The following DNMT3B variants were observed in gnomAD, a reference collection of about 807,000 sequenced individuals.
DNMT3B encodes DNA (cytosine-5)-methyltransferase 3B.
In DNMT3B, 37 loss-of-function variants were observed where a neutral mutation model predicts 120.2. The ratio of observed to expected loss-of-function variants is 0.31; its 90% CI spans 0.24 to 0.40. DNMT3B has a LOEUF of 0.40. DNMT3B is among the 10% of genes least tolerant of loss of function. The probability of loss-of-function intolerance (pLI) is 1.00; values close to 1 mark genes in which losing one functional copy is unlikely to be tolerated. For synonymous variants in DNMT3B, 412 were observed against 442.8 expected (o/e 0.93, Z 0.87); for missense variants, 878 against 1,137.3 (o/e 0.77, Z 3.28).
Position 32,808,202 on chromosome 20 carries a change from T to TC in DNMT3B, c.*302dup. On this transcript the variant is annotated 3_prime_UTR_variant, in exon 23 of 23. Transcript: ENST00000328111. ...AGGTAGCAACGTGGCTTTTTTTTTT[T>TC]CCCTTCCTGGGTCTACCACTCAGAG... 1 of 446,338 alleles carries TC rather than the reference T, an allele frequency of 2.2e-6. No individual in the cohort carries two copies. Among genetic ancestry groups the TC allele is most frequent in the Non-Finnish European group, 4.1e-6 (1 of 242,260 alleles). 27.6% of individuals were successfully genotyped at this position (446,338 alleles called of 1,614,324 possible).
At chr20:32,800,784 T>C (rs780041682) in intron 17 of DNMT3B, 51 bp from the exon 18 acceptor site, 1 of 1,592,772 alleles carries the variant, frequency 6.3e-7, no homozygotes, top group Non-Finnish European at 8.6e-7. Flanking sequence ...TGGGTCCAGC[T>C]CTCTTTCCCT....
At chr20:32,783,052 T>C (rs1280963105) in intron 3 of DNMT3B, among the ~76,000 whole-genome samples, 2 of 152,074 alleles carry the variant, frequency 1.3e-5, no homozygotes, top group Admixed American at 6.6e-5. Context: ...GGCTCCCGAG[T>C]AGCTGGGACT....
intron 10 of DNMT3B, among the ~76,000 whole-genome samples, chr20:32,793,826 T>C (rs1980280813): frequency 1.3e-5 from 2 of 152,190 alleles, no homozygotes; most frequent in Admixed American, 6.5e-5. Flanking sequence ...CTTTCCCCTT[T>C]ATTAATATTA....
chr20:32,806,390 G>A, intron 22 of DNMT3B, 63 bp downstream of exon 22: 1 of 1,456,010 alleles, frequency 6.9e-7, no homozygotes, highest in East Asian at 2.3e-5. Context: ...GGCAGACATG[G>A]GCAGGTGCTT....
chr20:32,773,127 T>C (rs1456557679), intron 1 of DNMT3B, among the ~76,000 whole-genome samples: 3 of 151,560 alleles, frequency 2.0e-5, no homozygotes, highest in African/African-American at 7.3e-5. Context: ...CTTTTTTTTT[T>C]TTTGAGAGGG....
chr20:32,788,514 C>G (rs924226653), intron 6 of DNMT3B, among the ~76,000 whole-genome samples: 2 of 152,158 alleles, frequency 1.3e-5, no homozygotes, highest in African/African-American at 4.8e-5. Flanking sequence ...GGTGCCCAGG[C>G]TAGTCTCAAA....
At chr20:32,787,159 G>C in intron 5 of DNMT3B, 71 bp from the exon 6 acceptor site, 1 of 1,570,408 alleles carries the variant, frequency 6.4e-7, no homozygotes, top group Non-Finnish European at 8.8e-7. Context: ...GGAGCCATAT[G>C]GGGGTGCCGT....
chr20:32,789,356 C>G (rs1979694930), intron 7 of DNMT3B, among the ~76,000 whole-genome samples: 1 of 152,142 alleles, frequency 6.6e-6, no homozygotes, highest in African/African-American at 2.4e-5. Flanking sequence ...CTGGAAGAGA[C>G]CGGAAGCATG....
intron 3 of DNMT3B, among the ~76,000 whole-genome samples, chr20:32,781,680 T>A (rs554085607): frequency 3.9e-5 from 6 of 152,358 alleles, no homozygotes; most frequent in Admixed American, 2.6e-4. Flanking sequence ...TCTGAAAGTA[T>A]TAAATGGAAA....
chr20:32,806,382 C>A (rs1345032681), intron 22 of DNMT3B, 55 bp downstream of exon 22: 3 of 1,500,318 alleles, frequency 2.0e-6, no homozygotes, highest in Non-Finnish European at 2.8e-6. Flanking sequence ...CACAAATGGG[C>A]AGACATGGGC....
intron 18 of DNMT3B, 51 bp downstream of exon 18, chr20:32,800,976 A>C: frequency 6.3e-7 from 1 of 1,599,582 alleles, no homozygotes; most frequent in Non-Finnish European, 8.6e-7. Context: ...TCACCTGACC[A>C]CTGGCCCAGG....
In DNMT3B at chr20:32,780,069, C is replaced by A; in HGVS notation, c.-6-249C>A. On this transcript the variant is annotated intron_variant, in intron 1 of 22. Transcript: ENST00000328111. ...TGAGACCCCAGCCCTGGCCTCCCCA[C>A]TCTGTCCTGGGTGCTGGCGTCTGAG... 1.9e-6 allele frequency: 3 copies of A among 1,607,526 alleles called. No homozygotes were observed. In the South Asian group the frequency reaches 3.3e-5, roughly 18 times the overall value.
intron 7 of DNMT3B, among the ~76,000 whole-genome samples, chr20:32,790,231 G>A (rs1401999885): frequency 6.6e-6 from 1 of 152,252 alleles, no homozygotes; most frequent in Non-Finnish European, 1.5e-5. Flanking sequence ...GCAGAGGGAG[G>A]ACAAGTCCTG....
At position 32,785,441 on chromosome 20, in the gene DNMT3B, G is replaced by A. The variant is rs1437999195; in HGVS notation, c.306+582G>A. Among the ~76,000 whole-genome samples, 5 of 152,274 alleles carry A rather than the reference G, an allele frequency of 3.3e-5. No homozygotes were observed. In the South Asian group the frequency reaches 8.3e-4, roughly 25 times the overall value. On this transcript the variant is annotated intron_variant, in intron 4 of 22. Coordinates refer to ENST00000328111, the MANE Select transcript of DNMT3B (RefSeq NM_006892.4). ...GGGTGATAGAGTTTGCAGGGTGGATGGCTCAGCTGCTAATGACCTAGGGAG... is the reference window on the plus strand; with the variant it reads ...GGGTGATAGAGTTTGCAGGGTGGATAGCTCAGCTGCTAATGACCTAGGGAG...
chr20:32,780,202 C>T, intron 1 of DNMT3B, 116 bp from the exon 2 acceptor site: 1 of 1,613,014 alleles, frequency 6.2e-7, no homozygotes, highest in Non-Finnish European at 8.5e-7. Flanking sequence ...AGAGCATCAC[C>T]CTAAGAATGC....
intron 1 of DNMT3B, among the ~76,000 whole-genome samples, chr20:32,772,874 ATTTT>A (rs397960769): frequency 7.7e-6 from 1 of 129,398 alleles, no homozygotes; most frequent in Non-Finnish European, 1.6e-5. Flanking sequence ...GTTTGGACAC[ATTTT>A]TTTTTTTTTT....
chr20:32,770,674 A>G (rs1476523553), intron 1 of DNMT3B, among the ~76,000 whole-genome samples: 1 of 140,488 alleles, frequency 7.1e-6, no homozygotes, highest in South Asian at 2.3e-4. Context: ...GTGCAATGGC[A>G]TGATCTTGGT....
intron 6 of DNMT3B, 82 bp from the exon 7 acceptor site, chr20:32,788,772 C>T: frequency 6.4e-7 from 1 of 1,571,204 alleles, no homozygotes; most frequent in East Asian, 2.3e-5. Flanking sequence ...TTTTTGTTGC[C>T]CTCAGGGACA....
At chr20:32,770,215 C>T (rs1205321655) in intron 1 of DNMT3B, among the ~76,000 whole-genome samples, 4 of 151,974 alleles carry the variant, frequency 2.6e-5, no homozygotes, top group Admixed American at 1.3e-4. Context: ...TGGGTTCAAA[C>T]GATTCTTCTG....
Sources: allele counts gnomAD v4.1 joint callset (sites outside exome capture counted in the v4.1 genomes callset), GRCh38; gene constraint gnomAD v4.1.1; transcripts MANE v1.5; gene names NCBI Gene and HGNC (gene_info 2026-07-23, HGNC 2026-07-21).